The following DLC1 variants were observed in gnomAD, a reference collection of about 807,000 sequenced individuals.
DLC1 encodes DLC1 Rho GTPase activating protein.
Under a neutral mutation model 140.3 loss-of-function variants are expected in DLC1, and 54 were observed. The observed-to-expected ratio is 0.38, with a 90% CI of 0.31 to 0.48. The LOEUF is 0.48. Among genes scored for constraint, DLC1 ranks in the 20% least tolerant of loss-of-function variants. The probability of loss-of-function intolerance (pLI) is 0.96; values close to 1 mark genes in which losing one functional copy is unlikely to be tolerated. For synonymous variants in DLC1, 986 were observed against 728.1 expected, an observed-to-expected ratio of 1.35 and a Z score of -5.70; for missense variants, 2,536 against 1,907.0, an observed-to-expected ratio of 1.33 and a Z score of -6.14.
intron 1 of DLC1, among the ~76,000 whole-genome samples, chr8:13,550,762 C>G (rs1441576667): frequency 6.6e-6 from 1 of 152,050 alleles, no homozygotes; most frequent in East Asian, 1.9e-4. Flanking sequence ...TGGAATCAAG[C>G]TACATGTTCC....
Position 13,216,213 on chromosome 8 carries a change from T to G in DLC1, c.1348+89056A>C, listed in dbSNP as rs900184808. On this transcript the variant is annotated intron_variant, in intron 5 of 17. Transcript: ENST00000276297. The stretch of plus-strand genomic sequence containing the variant: ...AAGTCAACAATAATACTTTGTATTT[T>G]CAGTGATGAATTATTTTACACCAAA... Among the ~76,000 whole-genome samples the G allele has an allele frequency of 3.9e-5, 6 of 152,194 alleles. No individual in the cohort carries two copies. The East Asian group carries it at 1.2e-3, about 29-fold the overall frequency.
At chr8:13,354,678 C>T (rs887170960) in intron 4 of DLC1, among the ~76,000 whole-genome samples, 1 of 151,726 alleles carries the variant, frequency 6.6e-6, no homozygotes, top group Non-Finnish European at 1.5e-5. Context: ...GGTGTGGTGG[C>T]TCACATCTGT....
At chr8:13,433,339 C>A (rs959654108) in intron 2 of DLC1, among the ~76,000 whole-genome samples, 2 of 152,020 alleles carry the variant, frequency 1.3e-5, no homozygotes, top group Non-Finnish European at 2.9e-5. Context: ...TGAAAGAAAT[C>A]TTTGGAATAG....
At chr8:13,223,264 C>A (rs2117166503) in intron 5 of DLC1, among the ~76,000 whole-genome samples, 1 of 152,042 alleles carries the variant, frequency 6.6e-6, no homozygotes, top group South Asian at 2.1e-4. Context: ...TTCCTGTGGC[C>A]CATCAGACTA....
At chr8:13,261,391 G>A (rs1023398377) in intron 5 of DLC1, among the ~76,000 whole-genome samples, 10 of 152,174 alleles carry the variant, frequency 6.6e-5, no homozygotes, top group African/African-American at 2.4e-4. Context: ...GGAAGAGTAG[G>A]TAGGCCCCAG....
chr8:13,292,938 G>T (rs1205631798), intron 5 of DLC1, among the ~76,000 whole-genome samples: 1 of 152,158 alleles, frequency 6.6e-6, no homozygotes, highest in East Asian at 1.9e-4. Context: ...AAACCAAATT[G>T]CAGGCCAGTC....
At chr8:13,157,327 G>A (rs1824324127) in intron 5 of DLC1, among the ~76,000 whole-genome samples, 1 of 152,172 alleles carries the variant, frequency 6.6e-6, no homozygotes, top group Non-Finnish European at 1.5e-5. Context: ...AAGTACAGGA[G>A]CAAAAAGTGA....
chr8:13,096,731 C>T lies in DLC1; in HGVS notation c.3168-1486G>A, dbSNP rs189535250. Among the ~76,000 whole-genome samples the T allele has an allele frequency of 1.7e-3, 264 of 152,264 alleles. 3 individuals are homozygous for T. The South Asian group carries it at 0.029, about 17-fold the overall frequency. On this transcript the variant is annotated intron_variant, in intron 10 of 17. Transcript: ENST00000276297. ...GCTGAAGTTAAATCTGCTATGAGTC[C>T]TAAGGAGAGGAGGAGCTGGAGACAA...
rs577636530 is a variant in DLC1 at position 13,538,075 on chromosome 8, G to C, written c.-125-37879C>G. Among the ~76,000 whole-genome samples, 172 of 152,198 alleles carry C rather than the reference G, an allele frequency of 1.1e-3. 2 individuals carry two copies. The highest frequency in any genetic ancestry group is 1.9e-3 in the Non-Finnish European group (126 of 68,004). On this transcript the variant is annotated intron_variant, in intron 1 of 1. Transcript: ENST00000631382. ...AGTAATAATAAAAATAATTACTAAT[G>C]CATATTTACTTTGTGTTGAAACTTC...
intron 2 of DLC1, among the ~76,000 whole-genome samples, chr8:13,476,747 A>G (rs973724041): frequency 2.6e-5 from 4 of 152,222 alleles, no homozygotes; most frequent in East Asian, 1.9e-4. Flanking sequence ...TTTGAACACA[A>G]TGACAAATGT....
At chr8:13,561,151 CTCTG>C (rs1474946254) in intron 1 of DLC1, among the ~76,000 whole-genome samples, 16 of 146,964 alleles carry the variant, frequency 1.1e-4, no homozygotes, top group Non-Finnish European at 2.2e-4. Context: ...AGAAATATTG[CTCTG>C]TCTGTCAACC....
chr8:13,557,037 T>A (rs1443037695), intron 1 of DLC1, among the ~76,000 whole-genome samples: 1 of 152,098 alleles, frequency 6.6e-6, no homozygotes, highest in Non-Finnish European at 1.5e-5. Context: ...TATTCAGGGG[T>A]CTGAAGGGTG....
At position 13,094,865 on chromosome 8, in the gene DLC1, T is replaced by C; in HGVS notation, c.3420A>G (p.Gly1140=). The part of the protein sequence containing the change: ...EGAIDCVNYE[G]QSAYDVADML... Reference sequence around the variant, plus strand: ...TGTCTGCCACGTCATAAGCAGACTGTCCTTCGTAGTTGACACAGTCTATGG... The same window carrying C: ...TGTCTGCCACGTCATAAGCAGACTGCCCTTCGTAGTTGACACAGTCTATGG... Residue 1140 remains glycine, a synonymous_variant, in exon 12 of 18, where the codon GGA becomes GGG. Coordinates refer to ENST00000276297, the MANE Select transcript of DLC1 (RefSeq NM_182643.3). 1 of 1,614,246 alleles carries C rather than the reference T, an allele frequency of 6.2e-7. No homozygotes were observed. Among genetic ancestry groups the C allele is most frequent in the Non-Finnish European group, 8.5e-7 (1 of 1,180,046 alleles).
intron 4 of DLC1, among the ~76,000 whole-genome samples, chr8:13,323,522 T>C (rs1177115624): frequency 6.6e-6 from 1 of 152,240 alleles, no homozygotes; most frequent in Non-Finnish European, 1.5e-5. Context: ...TTAAGTATTT[T>C]GCTTGGGTTG....
chr8:13,156,728 A>G (rs1274539238), intron 5 of DLC1, among the ~76,000 whole-genome samples: 1 of 152,170 alleles, frequency 6.6e-6, no homozygotes, highest in Non-Finnish European at 1.5e-5. Context: ...GCAACTCAAA[A>G]AGTCAGGGAT....
chr8:13,400,570 C>T (rs1837249628), intron 3 of DLC1, among the ~76,000 whole-genome samples: 1 of 151,968 alleles, frequency 6.6e-6, no homozygotes, highest in Non-Finnish European at 1.5e-5. Flanking sequence ...ACCCAGTTTA[C>T]AATTTAAATA....
chr8:13,148,336 C>T (rs1585770911), intron 5 of DLC1, among the ~76,000 whole-genome samples: 3 of 152,256 alleles, frequency 2.0e-5, no homozygotes, highest in Middle Eastern at 6.8e-3. Context: ...TCTTTGTGTC[C>T]ATAAGTTCTC....
chr8:13,290,191 GC>G (rs1414590044), intron 5 of DLC1, among the ~76,000 whole-genome samples: 1 of 152,104 alleles, frequency 6.6e-6, no homozygotes, highest in Non-Finnish European at 1.5e-5. Flanking sequence ...ATGTTGTTTT[GC>G]CGTACACACT....
At chr8:13,486,249 A>T (rs1800963327) in intron 2 of DLC1, among the ~76,000 whole-genome samples, 1 of 152,202 alleles carries the variant, frequency 6.6e-6, no homozygotes, top group Non-Finnish European at 1.5e-5. Context: ...AGAAAAAACA[A>T]AGCTCATTTT....
Sources: gnomAD v4.1 joint callset for allele counts (sites outside exome capture counted in the v4.1 genomes callset) on GRCh38, gnomAD v4.1.1 for gene constraint, MANE v1.5 for transcripts, NCBI Gene and HGNC (gene_info 2026-07-23, HGNC 2026-07-21) for gene names.